The following PRLR variants were observed in gnomAD, a reference collection of about 807,000 sequenced individuals.
The protein encoded by PRLR is hPRL receptor.
In PRLR, 13 loss-of-function variants were observed where a neutral mutation model predicts 40.2. The observed-to-expected ratio is 0.32, with a 90% CI of 0.21 to 0.51. The LOEUF (loss-of-function observed/expected upper bound fraction) is 0.51, where lower values mean the gene tolerates loss of function less well. Among genes scored for constraint, PRLR ranks in the 20% least tolerant of loss-of-function variants. PRLR has a pLI of 0.97. For synonymous variants in PRLR, 269 were observed against 278.7 expected, an observed-to-expected ratio of 0.97 and a Z score of 0.35; for missense variants, 656 against 747.3, an observed-to-expected ratio of 0.88 and a Z score of 1.42.
At chr5:35,189,536 G>A (rs574881143) in intron 1 of PRLR, among the ~76,000 whole-genome samples, 7,442 of 151,616 alleles carry the variant, frequency 0.049, 214 homozygotes, top group Middle Eastern at 0.12. Context: ...AGCTGAGATC[G>A]TGCCACTGCA....
At chr5:35,189,997 T>A (rs373929969) in intron 1 of PRLR, among the ~76,000 whole-genome samples, 4 of 152,216 alleles carry the variant, frequency 2.6e-5, no homozygotes, top group African/African-American at 9.6e-5. Flanking sequence ...GTTTACCCAG[T>A]GAAATGAGAT....
At chr5:35,200,714 T>C (rs1260528757) in intron 1 of PRLR, among the ~76,000 whole-genome samples, 3 of 152,266 alleles carry the variant, frequency 2.0e-5, no homozygotes, top group African/African-American at 7.2e-5. Flanking sequence ...ACCATGTCTT[T>C]ATATAGGGCT....
intron 5 of PRLR, among the ~76,000 whole-genome samples, chr5:35,083,611 C>CTGG: frequency 6.6e-6 from 1 of 151,746 alleles, no homozygotes; most frequent in Middle Eastern, 3.4e-3. Flanking sequence ...CCTCCACCTC[C>CTGG]TGGGTTCAAG....
intron 2 of PRLR, among the ~76,000 whole-genome samples, chr5:35,104,796 G>T (rs1482924880): frequency 7.3e-6 from 1 of 136,498 alleles, no homozygotes; most frequent in African/African-American, 3.6e-5. Context: ...ACTGGGGGCA[G>T]GGCATAGTGG....
chr5:35,070,609 C>T lies in PRLR; in HGVS notation c.544-344G>A, dbSNP rs551692270. Among the ~76,000 whole-genome samples, 21 of 151,644 alleles carry T rather than the reference C, an allele frequency of 1.4e-4. 1 individual carries two copies. In the South Asian group the frequency reaches 3.1e-3, roughly 23 times the overall value. On this transcript the variant is annotated intron_variant, in intron 6 of 9. Coordinates refer to ENST00000618457, the MANE Select transcript of PRLR (RefSeq NM_000949.7). Reference sequence around the variant, plus strand: ...CTGTAATCCCAGCACTTTGGGAGGCCGAAGCAGGCGTATCACCTGAGGTTG... The same window carrying T: ...CTGTAATCCCAGCACTTTGGGAGGCTGAAGCAGGCGTATCACCTGAGGTTG...
intron 1 of PRLR, among the ~76,000 whole-genome samples, chr5:35,227,435 T>C (rs557618359): frequency 6.6e-6 from 1 of 152,332 alleles, no homozygotes; most frequent in African/African-American, 2.4e-5. Flanking sequence ...TTTCCATGTT[T>C]CAGTTTCTTT....
chr5:35,207,445 A>G (rs1317089923), intron 1 of PRLR, among the ~76,000 whole-genome samples: 1 of 152,172 alleles, frequency 6.6e-6, no homozygotes, highest in African/African-American at 2.4e-5. Context: ...TACCCCGTCA[A>G]TAAATATGCA....
At chr5:35,149,283 T>C (rs1051437860) in intron 1 of PRLR, among the ~76,000 whole-genome samples, 2 of 152,190 alleles carry the variant, frequency 1.3e-5, no homozygotes, top group East Asian at 3.8e-4. Flanking sequence ...TTTGAGAGCA[T>C]CTTTATTTCT....
chr5:35,089,728 T>A, intron 2 of PRLR, 65 bp from the exon 3 acceptor site: 1 of 934,422 alleles, frequency 1.1e-6, no homozygotes, highest in Non-Finnish European at 1.7e-6. Flanking sequence ...TCCACCACTT[T>A]ATTCTGGGTA....
intron 1 of PRLR, among the ~76,000 whole-genome samples, chr5:35,203,507 G>C (rs1344098320): frequency 6.6e-6 from 1 of 152,154 alleles, no homozygotes; most frequent in Non-Finnish European, 1.5e-5. Flanking sequence ...ATCATCACAG[G>C]AAGGCAGACA....
intron 1 of PRLR, among the ~76,000 whole-genome samples, chr5:35,189,244 G>A (rs753912282): frequency 6.6e-6 from 1 of 152,152 alleles, no homozygotes; most frequent in Non-Finnish European, 1.5e-5. Context: ...ATCCAACCCT[G>A]CTAACCGACA....
intron 1 of PRLR, among the ~76,000 whole-genome samples, chr5:35,220,356 G>A (rs1248639993): frequency 6.6e-6 from 1 of 152,040 alleles, no homozygotes; most frequent in African/African-American, 2.4e-5. Context: ...GACTTTTGCT[G>A]TTGTTCTTTC....
chr5:35,200,124 T>C (rs1775840219), intron 1 of PRLR, among the ~76,000 whole-genome samples: 1 of 152,168 alleles, frequency 6.6e-6, no homozygotes, highest in African/African-American at 2.4e-5. Context: ...TTCTGGCATG[T>C]CTCGCAGAGC....
chr5:35,109,623 T>A (rs1241895539), intron 2 of PRLR, among the ~76,000 whole-genome samples: 1 of 152,112 alleles, frequency 6.6e-6, no homozygotes, highest in South Asian at 2.1e-4. Context: ...AAAATGCTCA[T>A]CATCACTGGC....
intron 1 of PRLR, among the ~76,000 whole-genome samples, chr5:35,219,504 T>C (rs1776365566): frequency 6.6e-6 from 1 of 152,196 alleles, no homozygotes; most frequent in African/African-American, 2.4e-5. Context: ...CACTAAATGC[T>C]TGCGATTATA....
chr5:35,214,476 T>C lies in PRLR; in HGVS notation c.-106+15792A>G, dbSNP rs183600473. ...GGGCAAACGCATTGAGGATCAACTA[T>C]AGATGAGAAGTTTCTCAACCATTGT... On this transcript the variant is annotated intron_variant, in intron 1 of 9. Coordinates refer to ENST00000618457, the MANE Select transcript of PRLR (RefSeq NM_000949.7). 1.5e-3 allele frequency among the ~76,000 whole-genome samples: 224 copies of C among 152,312 alleles called. 3 individuals carry two copies. Among genetic ancestry groups the C allele is most frequent in the South Asian group, 4.4e-3 (21 of 4,822 alleles).
chr5:35,113,420 TC>T (rs1772808227), intron 2 of PRLR, among the ~76,000 whole-genome samples: 4 of 103,562 alleles, frequency 3.9e-5, no homozygotes, highest in African/African-American at 7.9e-5. Flanking sequence ...CATCCATCCA[TC>T]CACCCATCCA....
At chr5:35,083,312 G>A (rs973765059) in intron 5 of PRLR, among the ~76,000 whole-genome samples, 7 of 151,966 alleles carry the variant, frequency 4.6e-5, no homozygotes, top group Admixed American at 6.6e-5. Context: ...GTCCATGACC[G>A]ACACATCTGT....
chr5:35,194,736 T>C (rs1317008032), intron 1 of PRLR, among the ~76,000 whole-genome samples: 1 of 152,102 alleles, frequency 6.6e-6, no homozygotes, highest in Non-Finnish European at 1.5e-5. Flanking sequence ...ATAGAGACAG[T>C]AAAAAGATCA....
Sources: allele counts gnomAD v4.1 joint callset (sites outside exome capture counted in the v4.1 genomes callset), GRCh38; gene constraint gnomAD v4.1.1; transcripts MANE v1.5; gene names NCBI Gene and HGNC (gene_info 2026-07-23, HGNC 2026-07-21).